AGT: variants seen among roughly 807,000 people sequenced by gnomAD.
AGT encodes angiotensinogen.
Under a neutral mutation model 28.1 loss-of-function variants are expected in AGT, and 26 were observed. The ratio of observed to expected loss-of-function variants is 0.92; its 90% CI spans 0.68 to 1.28. The LOEUF is 1.28. AGT is among the 50% of genes most tolerant of loss of function. AGT has a pLI of 0.00. For missense variants in AGT, 596 were observed against 592.3 expected, an observed-to-expected ratio of 1.01 and a Z score of -0.06; for synonymous variants, 259 against 259.6, an observed-to-expected ratio of 1.00 and a Z score of 0.02.
At position 230,734,610 on chromosome 1, in the gene AGT, A is replaced by ATGTGTG. The variant is rs59787972; in HGVS notation, c.-31+10899_-31+10904dup. Among the ~76,000 whole-genome samples, 385 of 150,376 alleles carry ATGTGTG rather than the reference A, an allele frequency of 2.6e-3. 2 individuals are homozygous for ATGTGTG. The highest frequency in any genetic ancestry group is 6.3e-3 in the African/African-American group (259 of 41,006). Reference sequence around the variant, plus strand: ...TTATAAATATATATATGGTGTGTGTATGTGTGTGTGTGTGTGTGTGTTTCA... The same window carrying ATGTGTG: ...TTATAAATATATATATGGTGTGTGTATGTGTGTGTGTGTGTGTGTGTGTGTGTTTCA... On this transcript the variant is annotated intron_variant, in intron 1 of 4. Transcript: ENST00000681269.
intron 1 of AGT, among the ~76,000 whole-genome samples, chr1:230,737,499 A>G (rs1417794903): frequency 6.6e-6 from 1 of 151,996 alleles, no homozygotes; most frequent in Non-Finnish European, 1.5e-5. Flanking sequence ...TTTAGTAGAG[A>G]TGGGGTTTTA....
At chr1:230,743,902 AC>A (rs1240220103) in intron 1 of AGT, among the ~76,000 whole-genome samples, 1 of 152,224 alleles carries the variant, frequency 6.6e-6, no homozygotes, top group Non-Finnish European at 1.5e-5. Flanking sequence ...TGTGGAGGAG[AC>A]AGAGAAAGAA....
chr1:230,705,843 C>T, intron 3 of AGT, 90 bp downstream of exon 3: 1 of 1,539,664 alleles, frequency 6.5e-7, no homozygotes, highest in Non-Finnish European at 9.0e-7. Flanking sequence ...ACCCAAGGCT[C>T]AGCTCAGGTG....
At chr1:230,707,702 G>A (rs1663432183) in intron 2 of AGT, among the ~76,000 whole-genome samples, 1 of 152,216 alleles carries the variant, frequency 6.6e-6, no homozygotes, top group African/African-American at 2.4e-5. Flanking sequence ...GGGGGAAAGG[G>A]ACAATTCTTT....
intron 1 of AGT, among the ~76,000 whole-genome samples, chr1:230,744,016 A>G (rs966538140): frequency 2.0e-5 from 3 of 152,208 alleles, no homozygotes; most frequent in African/African-American, 7.2e-5. Flanking sequence ...AAGAAAATAC[A>G]CTTAACATGA....
intron 1 of AGT, among the ~76,000 whole-genome samples, chr1:230,743,383 GA>G (rs1437219881): frequency 1.3e-5 from 2 of 152,172 alleles, no homozygotes; most frequent in African/African-American, 4.8e-5. Flanking sequence ...GCTCAAGTCT[GA>G]AGGCAGGACG....
At chr1:230,724,119 T>G (rs1356324622) in intron 1 of AGT, among the ~76,000 whole-genome samples, 2 of 152,220 alleles carry the variant, frequency 1.3e-5, no homozygotes, top group African/African-American at 4.8e-5. Context: ...GCCATGCTCA[T>G]TAGTTTATGA....
intron 2 of AGT, among the ~76,000 whole-genome samples, chr1:230,709,436 T>TAA (rs34924695): frequency 4.4e-4 from 58 of 131,336 alleles, no homozygotes; most frequent in East Asian, 1.5e-3. Context: ...CCTGTCTCAA[T>TAA]AAAAAAAAAA....
At chr1:230,703,709 G>A (rs913993214) in intron 4 of AGT, among the ~76,000 whole-genome samples, 1 of 152,128 alleles carries the variant, frequency 6.6e-6, no homozygotes, top group African/African-American at 2.4e-5. Flanking sequence ...GCTGGCCCCC[G>A]TAAGAACTCC....
intron 1 of AGT, among the ~76,000 whole-genome samples, chr1:230,740,606 G>A (rs958966235): frequency 3.2e-4 from 48 of 152,262 alleles, no homozygotes; most frequent in Admixed American, 6.5e-4. Context: ...GTTTTGGTGC[G>A]AGGTGGTAAC....
In AGT at chr1:230,706,102, A is replaced by G. The variant is rs759033959; in HGVS notation, c.928T>C (p.Phe310Leu). The G allele has an allele frequency of 3.7e-6, 6 of 1,614,082 alleles. No individual in the cohort carries two copies. The highest frequency in any genetic ancestry group is 5.1e-6 in the Non-Finnish European group (6 of 1,179,998). Residue 310 changes from phenylalanine to leucine, a missense_variant, in exon 3 of 5, where the codon TTC (phenylalanine) becomes CTC (leucine). Transcript: ENST00000366667. ...SVPMLSGMGT[F>L]QHWSDIQDNF... Reference sequence around the variant, plus strand: ...TCCTGGATGTCACTCCAGTGCTGGAAGGTGCCCATGCCAGAGAGCATGGGA... The same window carrying G: ...TCCTGGATGTCACTCCAGTGCTGGAGGGTGCCCATGCCAGAGAGCATGGGA...
intron 1 of AGT, among the ~76,000 whole-genome samples, chr1:230,731,575 C>T (rs958256297): frequency 2.0e-5 from 3 of 152,172 alleles, no homozygotes; most frequent in African/African-American, 7.2e-5. Context: ...TCCATTAACA[C>T]AGAAACTTGG....
At chr1:230,735,342 T>C (rs923283789) in intron 1 of AGT, among the ~76,000 whole-genome samples, 4 of 152,188 alleles carry the variant, frequency 2.6e-5, no homozygotes, top group Non-Finnish European at 5.9e-5. Context: ...CCTTCCAAAG[T>C]GTCGTTAGTT....
chr1:230,735,131 C>T (rs981604128), intron 1 of AGT, among the ~76,000 whole-genome samples: 7 of 152,124 alleles, frequency 4.6e-5, no homozygotes, highest in Admixed American at 1.3e-4. Flanking sequence ...ATAGGCCTCC[C>T]GCCCTCCTGC....
At chr1:230,732,821 G>A (rs1438384048) in intron 1 of AGT, among the ~76,000 whole-genome samples, 1 of 152,170 alleles carries the variant, frequency 6.6e-6, no homozygotes, top group East Asian at 1.9e-4. Context: ...TGTCTCAAGG[G>A]TGGCAGAGGT....
At chr1:230,741,676 G>A (rs1664250895) in intron 1 of AGT, among the ~76,000 whole-genome samples, 1 of 152,198 alleles carries the variant, frequency 6.6e-6, no homozygotes, top group Non-Finnish European at 1.5e-5. Flanking sequence ...CTGATGTCAG[G>A]CTTACCAATG....
At chr1:230,704,674 CTG>C (rs1663332948) in intron 3 of AGT, among the ~76,000 whole-genome samples, 1 of 152,248 alleles carries the variant, frequency 6.6e-6, no homozygotes, top group African/African-American at 2.4e-5. Context: ...AAATAATGCA[CTG>C]TGTCTTACTA....
chr1:230,706,843 G>A (rs773293749), intron 2 of AGT, among the ~76,000 whole-genome samples: 30 of 152,100 alleles, frequency 2.0e-4, no homozygotes, highest in Non-Finnish European at 4.1e-4. Context: ...ATGACATGTG[G>A]CCACCACCGC....
intron 3 of AGT, among the ~76,000 whole-genome samples, chr1:230,705,532 C>G (rs763741012): frequency 6.6e-6 from 1 of 152,234 alleles, no homozygotes; most frequent in Non-Finnish European, 1.5e-5. Flanking sequence ...CACGCGAAGT[C>G]CGAACCCTCC....
Sources: gnomAD v4.1 joint callset for allele counts (sites outside exome capture counted in the v4.1 genomes callset) on GRCh38, gnomAD v4.1.1 for gene constraint, MANE v1.5 for transcripts, NCBI Gene and HGNC (gene_info 2026-07-23, HGNC 2026-07-21) for gene names.